Variants in SH3GL2 observed in about 807,000 individuals in gnomAD.
SH3GL2 encodes endophilin-A1.
Under a neutral mutation model 46.0 loss-of-function variants are expected in SH3GL2, and 24 were observed. That is an observed-to-expected ratio of 0.52 (90% CI 0.38 to 0.73). The LOEUF is 0.73. Ranked by LOEUF, SH3GL2 falls within the 30% of genes least tolerant of loss-of-function variation. SH3GL2 has a pLI of 0.00. For synonymous variants in SH3GL2, 196 were observed against 147.1 expected (o/e 1.33, Z -2.40); for missense variants, 413 against 424.2 (o/e 0.97, Z 0.23).
intron 1 of SH3GL2, among the ~76,000 whole-genome samples, chr9:17,658,144 A>C (rs1415195297): frequency 1.3e-5 from 2 of 152,188 alleles, no homozygotes; most frequent in Non-Finnish European, 2.9e-5. Flanking sequence ...CTTTAGTTGC[A>C]GAAAGTCAGT....
At chr9:17,628,465 C>T (rs1478563356) in intron 1 of SH3GL2, among the ~76,000 whole-genome samples, 2 of 148,836 alleles carry the variant, frequency 1.3e-5, no homozygotes. Flanking sequence ...TGTGCATGCA[C>T]ATTTATCTAT....
chr9:17,679,053 A>G (rs546820657), intron 1 of SH3GL2, among the ~76,000 whole-genome samples: 104 of 152,214 alleles, frequency 6.8e-4, no homozygotes, highest in African/African-American at 2.3e-3. Context: ...TATAGTTTGA[A>G]GTCAGGTAGT....
intron 1 of SH3GL2, chr9:17,589,179 T>C (rs1160125021): frequency 1.3e-5 from 2 of 152,232 alleles, no homozygotes; most frequent in African/African-American, 4.8e-5. Context: ...AGGCTCAGTA[T>C]GTTCCATGTG....
At chr9:17,786,049 C>A (rs540719676) in intron 3 of SH3GL2, among the ~76,000 whole-genome samples, 1 of 152,198 alleles carries the variant, frequency 6.6e-6, no homozygotes, top group African/African-American at 2.4e-5. Flanking sequence ...CATGGAAGCA[C>A]CCAGCTCCAC....
chr9:17,657,313 T>C (rs188015901), intron 1 of SH3GL2, among the ~76,000 whole-genome samples: 6 of 152,308 alleles, frequency 3.9e-5, no homozygotes, highest in African/African-American at 1.2e-4. Context: ...TAGATGTACA[T>C]GCACATGACC....
intron 1 of SH3GL2, among the ~76,000 whole-genome samples, chr9:17,685,879 T>A (rs1820893176): frequency 6.6e-6 from 1 of 152,096 alleles, no homozygotes; most frequent in Non-Finnish European, 1.5e-5. Flanking sequence ...GACGTAGGCA[T>A]GGGCAAGGAC....
chr9:17,624,497 C>G (rs1223613021), intron 1 of SH3GL2, among the ~76,000 whole-genome samples: 1 of 148,194 alleles, frequency 6.7e-6, no homozygotes, highest in Non-Finnish European at 1.5e-5. Context: ...CTTTGACATT[C>G]TGCTCTAAGC....
At chr9:17,619,324 C>A (rs1369588868) in intron 1 of SH3GL2, among the ~76,000 whole-genome samples, 1 of 152,084 alleles carries the variant, frequency 6.6e-6, no homozygotes, top group Non-Finnish European at 1.5e-5. Context: ...TGAGAATTTC[C>A]CCTGTTGTCT....
intron 1 of SH3GL2, among the ~76,000 whole-genome samples, chr9:17,581,659 T>A (rs1051889284): frequency 6.6e-6 from 1 of 152,162 alleles, no homozygotes; most frequent in Admixed American, 6.5e-5. Flanking sequence ...TTTTGAGAAC[T>A]GATGTGCTGG....
chr9:17,733,293 T>G (rs1486148585), intron 1 of SH3GL2, among the ~76,000 whole-genome samples: 2 of 152,100 alleles, frequency 1.3e-5, no homozygotes, highest in African/African-American at 4.8e-5. Flanking sequence ...TTTATTATTA[T>G]ACTTTAAGTT....
chr9:17,679,868 C>G (rs1009240635), intron 1 of SH3GL2, among the ~76,000 whole-genome samples: 7 of 152,192 alleles, frequency 4.6e-5, no homozygotes, highest in African/African-American at 1.4e-4. Context: ...AAGGCCTTTT[C>G]TGCATCTCTT....
intron 1 of SH3GL2, among the ~76,000 whole-genome samples, chr9:17,662,596 C>G (rs1472440143): frequency 7.2e-5 from 11 of 151,914 alleles, no homozygotes; most frequent in Admixed American, 7.2e-4. Flanking sequence ...CAGATACAGA[C>G]TCATGTTTGA....
At chr9:17,587,404 C>G (rs1053921395) in intron 1 of SH3GL2, among the ~76,000 whole-genome samples, 3 of 151,942 alleles carry the variant, frequency 2.0e-5, no homozygotes, top group African/African-American at 7.3e-5. Flanking sequence ...GGGAAGAACT[C>G]TTGTTCTTTC....
chr9:17,748,170 TCTTTTA>T lies in SH3GL2; in HGVS notation c.114+1041_114+1046del, dbSNP rs932525320. ...TGAGCCATATTTTCGCTTTTACTTTTCTTTTACTTTAACGCTCTTCAGAACAGGTGA... is the reference window on the plus strand; with the variant it reads ...TGAGCCATATTTTCGCTTTTACTTTTCTTTAACGCTCTTCAGAACAGGTGA... On this transcript the variant is annotated intron_variant, in intron 2 of 8. Coordinates refer to ENST00000380607, the MANE Select transcript of SH3GL2 (RefSeq NM_003026.5). Among the ~76,000 whole-genome samples, 1,224 of 152,308 alleles carry T rather than the reference TCTTTTA, an allele frequency of 8.0e-3. 19 individuals carry two copies. The highest frequency in any genetic ancestry group is 0.028 in the African/African-American group (1,163 of 41,566).
chr9:17,793,210 T>A (rs369211139), intron 7 of SH3GL2, among the ~76,000 whole-genome samples, 157 bp from the exon 8 acceptor site: 1 of 152,212 alleles, frequency 6.6e-6, no homozygotes, highest in South Asian at 2.1e-4. Flanking sequence ...CTCAGACATA[T>A]ACATACAAGA....
intron 1 of SH3GL2, among the ~76,000 whole-genome samples, chr9:17,596,082 G>A (rs1476987144): frequency 6.6e-6 from 1 of 152,106 alleles, no homozygotes; most frequent in African/African-American, 2.4e-5. Context: ...AATTTTAGGA[G>A]CCATCACGGG....
At chr9:17,597,961 A>G (rs1818604639) in intron 1 of SH3GL2, among the ~76,000 whole-genome samples, 1 of 152,118 alleles carries the variant, frequency 6.6e-6, no homozygotes, top group Admixed American at 6.6e-5. Flanking sequence ...TGGATAAAAT[A>G]CTCATTCCCT....
At chr9:17,690,087 G>T (rs980754009) in intron 1 of SH3GL2, among the ~76,000 whole-genome samples, 1 of 152,066 alleles carries the variant, frequency 6.6e-6, no homozygotes, top group South Asian at 2.1e-4. Context: ...TCTGCTGTGT[G>T]TTATCTTTTT....
rs970702871 is a variant in SH3GL2, at chr9:17,594,905, A to G, written c.45+15618A>G. ...AGGGGGTCCTATGCATATATTTTTG[A>G]TGTATTCATTTCTGCTTAAAATACA... On this transcript the variant is annotated intron_variant, in intron 1 of 8. Coordinates refer to ENST00000380607, the MANE Select transcript of SH3GL2 (RefSeq NM_003026.5). Among the ~76,000 whole-genome samples the G allele has an allele frequency of 2.6e-5, 4 of 152,288 alleles. No individual in the cohort carries two copies. The East Asian group carries it at 5.8e-4, about 22-fold the overall frequency.
Sources: allele counts gnomAD v4.1 joint callset (sites outside exome capture counted in the v4.1 genomes callset), GRCh38; gene constraint gnomAD v4.1.1; transcripts MANE v1.5; gene names NCBI Gene and HGNC (gene_info 2026-07-23, HGNC 2026-07-21).